The following LGSN variants were observed in gnomAD, a reference collection of about 807,000 sequenced individuals.
LGSN encodes lengsin.
A neutral mutation model predicts 19.5 loss-of-function variants in LGSN; 21 were observed. The ratio of observed to expected loss-of-function variants is 1.07; its 90% confidence interval spans 0.76 to 1.55. LGSN has a LOEUF of 1.55. Among genes scored for constraint, LGSN ranks in the 40% most tolerant of loss-of-function variants. LGSN has a pLI of 0.00. For missense variants in LGSN, 673 were observed against 608.5 expected (o/e 1.11, Z -1.12); for synonymous variants, 257 against 215.6 (o/e 1.19, Z -1.68).
At chr6:63,324,967 G>A (rs537042507), upstream of LGSN, among the ~76,000 whole-genome samples, 15 of 151,822 alleles carry the variant, frequency 9.9e-5, no homozygotes, top group East Asian at 1.9e-4. Flanking sequence ...TTAGCTGGGC[G>A]TGGTTGAGCG....
the LGSN span, among the ~76,000 whole-genome samples, chr6:63,393,337 C>T: frequency 5.9e-5 from 9 of 151,800 alleles, no homozygotes; most frequent in South Asian, 2.1e-4. Flanking sequence ...CCACAAAGCC[C>T]GGCTAATTTT....
the LGSN span, among the ~76,000 whole-genome samples, chr6:63,481,492 GCCACCATGCCCGGC>G: frequency 6.7e-6 from 1 of 150,360 alleles, no homozygotes; most frequent in East Asian, 2.0e-4. Context: ...ACAGGCGCAT[GCCACCATGCCCGGC>G]TAATTTTTTG....
the LGSN span, among the ~76,000 whole-genome samples, chr6:63,407,762 T>C: frequency 5.3e-5 from 8 of 152,198 alleles, no homozygotes; most frequent in South Asian, 1.4e-3. Context: ...GATGACATGA[T>C]TGTATATCTA....
the LGSN span, among the ~76,000 whole-genome samples, chr6:63,511,496 T>C: frequency 2.0e-5 from 3 of 152,174 alleles, no homozygotes; most frequent in Admixed American, 6.5e-5. Flanking sequence ...CCTCAGGTGA[T>C]CCACCCACCT....
the LGSN span, among the ~76,000 whole-genome samples, chr6:63,528,896 C>T: frequency 5.9e-5 from 9 of 152,058 alleles, no homozygotes; most frequent in African/African-American, 1.9e-4. Context: ...CAAGACCAGC[C>T]TGACTAACAT....
the LGSN span, among the ~76,000 whole-genome samples, chr6:63,390,233 G>A: frequency 1.8e-4 from 26 of 145,352 alleles, no homozygotes; most frequent in African/African-American, 6.7e-4. Flanking sequence ...AGGGTCAAGC[G>A]ATTCTTGTGC....
the LGSN span, among the ~76,000 whole-genome samples, chr6:63,532,545 G>A: frequency 4.0e-5 from 6 of 151,808 alleles, no homozygotes; most frequent in African/African-American, 1.5e-4. Flanking sequence ...GTGCAAACCA[G>A]GTAAATAAAT....
At chr6:63,393,035 C>T in the LGSN span, among the ~76,000 whole-genome samples, 1 of 151,420 alleles carries the variant, frequency 6.6e-6, no homozygotes, top group African/African-American at 2.4e-5. Flanking sequence ...TACAGGCGCC[C>T]ACCACCACGC....
At chr6:63,533,467 A>C in the LGSN span, among the ~76,000 whole-genome samples, 1 of 152,224 alleles carries the variant, frequency 6.6e-6, no homozygotes, top group African/African-American at 2.4e-5. Flanking sequence ...TGAAAAAATA[A>C]AGGCTAGAAC....
the LGSN span, among the ~76,000 whole-genome samples, chr6:63,326,307 G>A: frequency 3.3e-5 from 5 of 152,144 alleles, no homozygotes; most frequent in Middle Eastern, 3.2e-3. Flanking sequence ...ACAGAGTGCC[G>A]ATTGGTATAT....
At chr6:63,460,251 C>T in the LGSN span, among the ~76,000 whole-genome samples, 1 of 151,842 alleles carries the variant, frequency 6.6e-6, no homozygotes, top group Non-Finnish European at 1.5e-5. Context: ...AGCCACCACA[C>T]CCGGCCCCAT....
At chr6:63,372,008 A>C in the LGSN span, among the ~76,000 whole-genome samples, 1 of 152,166 alleles carries the variant, frequency 6.6e-6, no homozygotes, top group South Asian at 2.1e-4. Flanking sequence ...ATGTCTGCAA[A>C]ATTGCTTCCA....
chr6:63,562,383 G>C, the LGSN span, among the ~76,000 whole-genome samples: 1 of 151,962 alleles, frequency 6.6e-6, no homozygotes, highest in Non-Finnish European at 1.5e-5. Context: ...ATTTTTAGTA[G>C]AGACAGCGTT....
the LGSN span, among the ~76,000 whole-genome samples, chr6:63,387,567 A>G: frequency 6.6e-6 from 1 of 152,164 alleles, no homozygotes; most frequent in Admixed American, 6.5e-5. Flanking sequence ...CTGAGGGACA[A>G]CTGTATTCAC....
At chr6:63,349,834 C>T in the LGSN span, among the ~76,000 whole-genome samples, 2 of 152,172 alleles carry the variant, frequency 1.3e-5, no homozygotes, top group African/African-American at 2.4e-5. Flanking sequence ...TATCATAAGA[C>T]TGAAATCAAG....
the LGSN span, among the ~76,000 whole-genome samples, chr6:63,337,524 G>A: frequency 4.6e-5 from 7 of 151,612 alleles, no homozygotes; most frequent in South Asian, 6.3e-4. Flanking sequence ...GACTTTGGAC[G>A]AGGTGAGGTG....
At chr6:63,353,784 A>G in the LGSN span, among the ~76,000 whole-genome samples, 2 of 152,044 alleles carry the variant, frequency 1.3e-5, no homozygotes, top group East Asian at 1.9e-4. Flanking sequence ...CATTACAGTG[A>G]TACAAAAACT....
chr6:63,429,929 C>T, the LGSN span, among the ~76,000 whole-genome samples: 42 of 152,046 alleles, frequency 2.8e-4, no homozygotes, highest in Middle Eastern at 6.8e-3. Context: ...CATTCATGGA[C>T]GGAAGGAAAG....
chr6:63,284,508 A>G (rs1267389269), intron 3 of LGSN, among the ~76,000 whole-genome samples: 1 of 152,186 alleles, frequency 6.6e-6, no homozygotes, highest in Non-Finnish European at 1.5e-5. Context: ...GTAATGTCCT[A>G]TATATGGACT....
Sources: gnomAD v4.1 joint callset for allele counts (sites outside exome capture counted in the v4.1 genomes callset) on GRCh38, gnomAD v4.1.1 for gene constraint, MANE v1.5 for transcripts, NCBI Gene and HGNC (gene_info 2026-07-23, HGNC 2026-07-21) for gene names.